Variants in SH3D19 observed in about 807,000 individuals in gnomAD.
The protein encoded by SH3D19 is SH3 domain-containing protein 19.
Under a neutral mutation model 112.1 loss-of-function variants are expected in SH3D19, and 58 were observed. The observed-to-expected ratio is 0.52, with a 90% CI of 0.42 to 0.64. SH3D19 has a LOEUF of 0.64. SH3D19 is among the 30% of genes least tolerant of loss of function. The pLI, the probability that SH3D19 is intolerant of heterozygous loss-of-function variation, is 0.00. For synonymous variants in SH3D19, 391 were observed against 448.5 expected (o/e 0.87, Z 1.62); for missense variants, 1,090 against 1,263.4 (o/e 0.86, Z 2.08).
rs200137853 is a variant in SH3D19 at position 151,138,834 on chromosome 4, G to T, written c.2296+941C>A. 1.3e-3 allele frequency among the ~76,000 whole-genome samples: 203 copies of T among 152,020 alleles called. 1 individual carries two copies. The highest frequency in any genetic ancestry group is 6.2e-3 in the East Asian group (32 of 5,174). ...GGATTAACTTTATTACAATTTTTTT[G>T]TTGTTGTTGTTTTTTGAGACGGGGT... On this transcript the variant is annotated intron_variant, in intron 13 of 19. Transcript: ENST00000604030.
At chr4:151,122,496 AAAT>A (rs1356523650) in intron 19 of SH3D19, among the ~76,000 whole-genome samples, 1 of 137,176 alleles carries the variant, frequency 7.3e-6, no homozygotes, top group Non-Finnish European at 1.6e-5. Context: ...CCTCTTGAAC[AAAT>A]AATACCAGTT....
chr4:151,227,063 A>C (rs1769119263), intron 1 of SH3D19, among the ~76,000 whole-genome samples: 1 of 152,252 alleles, frequency 6.6e-6, no homozygotes, highest in Non-Finnish European at 1.5e-5. Flanking sequence ...AATGACGTTA[A>C]GAAAAAATCC....
At chr4:151,169,520 C>G (rs1224156004) in intron 7 of SH3D19, among the ~76,000 whole-genome samples, 2 of 152,082 alleles carry the variant, frequency 1.3e-5, no homozygotes, top group Non-Finnish European at 2.9e-5. Flanking sequence ...GACGGTGGAG[C>G]CAGAGGCCTG....
At chr4:151,190,132 T>C (rs1014356666) in intron 2 of SH3D19, among the ~76,000 whole-genome samples, 10 of 152,194 alleles carry the variant, frequency 6.6e-5, no homozygotes, top group Non-Finnish European at 1.3e-4. Flanking sequence ...TGTGGAACTC[T>C]GAACTTGAGA....
intron 1 of SH3D19, among the ~76,000 whole-genome samples, chr4:151,263,971 T>A (rs1772575500): frequency 6.6e-6 from 1 of 152,148 alleles, no homozygotes. Context: ...CACTCTGAGC[T>A]ATTTTAAAAT....
At chr4:151,270,770 A>G (rs1294725005) in intron 1 of SH3D19, among the ~76,000 whole-genome samples, 1 of 152,210 alleles carries the variant, frequency 6.6e-6, no homozygotes, top group Non-Finnish European at 1.5e-5. Flanking sequence ...TATGAGGCAC[A>G]TGACTGTATA....
intron 2 of SH3D19, among the ~76,000 whole-genome samples, chr4:151,192,951 C>T (rs1762869106): frequency 6.6e-6 from 1 of 151,816 alleles, no homozygotes; most frequent in Admixed American, 6.6e-5. Flanking sequence ...CTTGTCCTTT[C>T]CAATTCTTCT....
At chr4:151,145,698 T>C (rs1253281077) in intron 11 of SH3D19, among the ~76,000 whole-genome samples, 2 of 152,198 alleles carry the variant, frequency 1.3e-5, no homozygotes, top group Non-Finnish European at 1.5e-5. Flanking sequence ...CTGGTTCCCC[T>C]TGAGAAAGGG....
chr4:151,201,832 C>T lies in SH3D19; in HGVS notation c.153-14369G>A, dbSNP rs201031839. The stretch of plus-strand genomic sequence containing the variant: ...TCGAGACCAGCCTGGGCCAACATGG[C>T]GAAACTCTGTCTCTACTAAAAATAC... On this transcript the variant is annotated intron_variant, in intron 2 of 19. Coordinates refer to ENST00000604030, the MANE Select transcript of SH3D19 (RefSeq NM_001378122.1). Among the ~76,000 whole-genome samples, 16 of 149,856 alleles carry T rather than the reference C, an allele frequency of 1.1e-4. No homozygotes were observed. The East Asian group carries it at 3.0e-3, about 28-fold the overall frequency.
intron 9 of SH3D19, among the ~76,000 whole-genome samples, chr4:151,152,440 T>G (rs1297926556): frequency 2.6e-5 from 4 of 152,096 alleles, no homozygotes; most frequent in African/African-American, 7.2e-5. Flanking sequence ...GCAGATTCCA[T>G]CTTTTTGTTC....
At chr4:151,170,096 C>T (rs1758792642) in intron 7 of SH3D19, among the ~76,000 whole-genome samples, 1 of 152,122 alleles carries the variant, frequency 6.6e-6, no homozygotes. Context: ...GTAAAAATTT[C>T]TGGAAAAAGT....
intron 9 of SH3D19, 21 bp downstream of exon 9, chr4:151,159,219 C>T (rs776873148): frequency 7.5e-7 from 1 of 1,335,000 alleles, no homozygotes. Flanking sequence ...CAATCTAGTA[C>T]AATCTATAAT....
At chr4:151,261,542 A>G (rs1340351042) in intron 1 of SH3D19, 1 of 152,238 alleles carries the variant, frequency 6.6e-6, no homozygotes, top group African/African-American at 2.4e-5. Context: ...GAATATTCCA[A>G]TGTGAGGATA....
At chr4:151,312,806 C>T (rs1729587409) in intron 1 of SH3D19, among the ~76,000 whole-genome samples, 1 of 150,918 alleles carries the variant, frequency 6.6e-6, no homozygotes, top group African/African-American at 2.4e-5. Flanking sequence ...GAGGCTGAGG[C>T]AGGAGAATGG....
chr4:151,227,812 G>A (rs960418918), intron 1 of SH3D19: 2 of 985,322 alleles, frequency 2.0e-6, no homozygotes, highest in African/African-American at 3.5e-5. Flanking sequence ...TCCTGTGGCT[G>A]TGATCCTAGT....
intron 7 of SH3D19, among the ~76,000 whole-genome samples, chr4:151,170,969 C>T (rs1758934233): frequency 6.6e-6 from 1 of 152,196 alleles, no homozygotes; most frequent in Admixed American, 6.5e-5. Context: ...CTGTATCTTG[C>T]ATTTTTCACC....
At chr4:151,185,285 T>C (rs1761609468) in intron 3 of SH3D19, among the ~76,000 whole-genome samples, 1 of 152,044 alleles carries the variant, frequency 6.6e-6, no homozygotes, top group Non-Finnish European at 1.5e-5. Flanking sequence ...CTGGGTTCAT[T>C]GGGTCATGCA....
chr4:151,292,736 T>G (rs923459330), intron 1 of SH3D19, among the ~76,000 whole-genome samples: 2 of 152,222 alleles, frequency 1.3e-5, no homozygotes, highest in Admixed American at 6.5e-5. Context: ...AACTTAAGTT[T>G]TATTGCATCT....
intron 1 of SH3D19, among the ~76,000 whole-genome samples, chr4:151,270,315 T>C (rs1773143626): frequency 6.6e-6 from 1 of 152,158 alleles, no homozygotes; most frequent in African/African-American, 2.4e-5. Context: ...CTTGGTACTA[T>C]CCTCAAAATA....
Sources: allele counts gnomAD v4.1 joint callset (sites outside exome capture counted in the v4.1 genomes callset), GRCh38; gene constraint gnomAD v4.1.1; transcripts MANE v1.5; gene names NCBI Gene and HGNC (gene_info 2026-07-23, HGNC 2026-07-21).